The following FBRSL1 variants were observed in gnomAD, a reference collection of about 807,000 sequenced individuals.
FBRSL1 encodes the protein fibrosin-1-like protein.
FBRSL1 carries 51 observed loss-of-function variants against 89.6 expected under a neutral mutation model. The ratio of observed to expected loss-of-function variants is 0.57; its 90% CI spans 0.45 to 0.72. The LOEUF (loss-of-function observed/expected upper bound fraction) is 0.72, where lower values mean the gene tolerates loss of function less well. FBRSL1 is among the 30% of genes least tolerant of loss of function. The probability of loss-of-function intolerance (pLI) is 0.00; values close to 1 mark genes in which losing one functional copy is unlikely to be tolerated. For synonymous variants in FBRSL1, 779 were observed against 681.1 expected, an observed-to-expected ratio of 1.14 and a Z score of -2.24; for missense variants, 1,618 against 1,451.8, an observed-to-expected ratio of 1.11 and a Z score of -1.86.
chr12:132,518,613 T>C (rs1030551027), intron 2 of FBRSL1, among the ~76,000 whole-genome samples: 1 of 147,964 alleles, frequency 6.8e-6, no homozygotes, highest in Non-Finnish European at 1.5e-5. Flanking sequence ...CATCCACCCG[T>C]CTATCCATGC....
intron 14 of FBRSL1, among the ~76,000 whole-genome samples, chr12:132,576,349 C>T (rs1157770454): frequency 1.3e-5 from 2 of 151,928 alleles, no homozygotes; most frequent in Non-Finnish European, 2.9e-5. Context: ...CCCGCCACTG[C>T]GCCCAGCTAA....
intron 4 of FBRSL1, among the ~76,000 whole-genome samples, chr12:132,544,200 C>T (rs964696095): frequency 1.5e-4 from 23 of 152,094 alleles, no homozygotes; most frequent in African/African-American, 3.6e-4. Context: ...TGACTGAGGG[C>T]GTGGGTGGAG....
chr12:132,573,035 G>A (rs549977752), intron 11 of FBRSL1, among the ~76,000 whole-genome samples: 24 of 152,280 alleles, frequency 1.6e-4, no homozygotes, highest in South Asian at 4.1e-4. Context: ...TGGGGGACCC[G>A]GGCCTTACGG....
Position 132,546,462 on chromosome 12 carries a change from C to A in FBRSL1, c.616-1541C>A, listed in dbSNP as rs1187217342. On this transcript the variant is annotated intron_variant, in intron 4 of 18. Transcript: ENST00000680143. This position sits in a 1 kb window ranked among gnomAD's most constrained non-coding sequence, Gnocchi z 4.0. Reference sequence around the variant, plus strand: ...CTACCTCTCACCCTGAAGGCCAGACCGGGGGAACCCTAGGAGAGGGCTTGG... The same window carrying A: ...CTACCTCTCACCCTGAAGGCCAGACAGGGGGAACCCTAGGAGAGGGCTTGG... 1.3e-5 allele frequency among the ~76,000 whole-genome samples: 2 copies of A among 151,980 alleles called. No individual in the cohort carries two copies. Among genetic ancestry groups the A allele is most frequent in the Non-Finnish European group, 2.9e-5 (2 of 67,966 alleles).
intron 4 of FBRSL1, among the ~76,000 whole-genome samples, chr12:132,535,843 GGT>G (rs1164415339): frequency 1.3e-5 from 2 of 150,282 alleles, no homozygotes; most frequent in South Asian, 2.1e-4. Context: ...ACGTGTCCAT[GGT>G]GTGTGAGTGC....
chr12:132,547,309 ACAGT>A (rs2037774459), intron 4 of FBRSL1, among the ~76,000 whole-genome samples: 1 of 151,516 alleles, frequency 6.6e-6, no homozygotes, highest in Non-Finnish European at 1.5e-5. Context: ...CGGAGAACGG[ACAGT>A]CAGTGTGTTC....
chr12:132,491,562 C>A (rs1365456639), intron 1 of FBRSL1, among the ~76,000 whole-genome samples: 1 of 152,256 alleles, frequency 6.6e-6, no homozygotes, highest in Admixed American at 6.5e-5. Flanking sequence ...ACCCGCCCAG[C>A]GAGGTGTGCC....
At chr12:132,518,631 C>T (rs1317730333) in intron 2 of FBRSL1, among the ~76,000 whole-genome samples, 43 of 151,644 alleles carry the variant, frequency 2.8e-4, no homozygotes, top group Admixed American at 2.8e-3. Flanking sequence ...TGCATCCACC[C>T]ATCTACCCAT....
chr12:132,543,203 C>T (rs976282359), intron 4 of FBRSL1, among the ~76,000 whole-genome samples: 1 of 152,218 alleles, frequency 6.6e-6, no homozygotes, highest in Non-Finnish European at 1.5e-5. Flanking sequence ...CTGTCCTGAG[C>T]CTGCCACGCA....
At chr12:132,495,092 G>A (rs2031777389) in intron 1 of FBRSL1, among the ~76,000 whole-genome samples, 1 of 152,228 alleles carries the variant, frequency 6.6e-6, no homozygotes, top group Non-Finnish European at 1.5e-5. Context: ...CAAGGGGAGG[G>A]TACAGGTTTT....
intron 5 of FBRSL1, chr12:132,550,864 AGGTCCCTCCT>A (rs1433102404): frequency 7.0e-5 from 11 of 156,984 alleles, no homozygotes; most frequent in African/African-American, 1.2e-4. Flanking sequence ...AGGAGGCCTC[AGGTCCCTCCT>A]GGTCTTCTCT....
In FBRSL1 at chr12:132,546,082, G is replaced by T. The variant is rs1033365589; in HGVS notation, c.616-1921G>T. 6.6e-5 allele frequency among the ~76,000 whole-genome samples: 10 copies of T among 152,238 alleles called. No individual in the cohort carries two copies. Among genetic ancestry groups the T allele is most frequent in the Non-Finnish European group, 1.5e-4 (10 of 68,048 alleles). ...CTCTTCCGGTCCCCTCAGCCCTGGC[G>T]TGTTCTGGCATGTTCCTCCCCTCCC... On this transcript the variant is annotated intron_variant, in intron 4 of 18. Coordinates refer to ENST00000680143, the MANE Select transcript of FBRSL1 (RefSeq NM_001367871.1). The surrounding 1 kb of genome is among the most constrained non-coding windows in gnomAD (Gnocchi z 4.0).
chr12:132,545,272 A>C (rs768240206), intron 4 of FBRSL1, among the ~76,000 whole-genome samples: 3 of 152,198 alleles, frequency 2.0e-5, no homozygotes, highest in Admixed American at 2.0e-4. Flanking sequence ...CCCCGAGCCC[A>C]GCCCCGGCGC....
chr12:132,525,875 C>T (rs1007554404), intron 3 of FBRSL1, 52 bp downstream of exon 3: 18 of 1,429,340 alleles, frequency 1.3e-5, no homozygotes, highest in Middle Eastern at 2.1e-4. Flanking sequence ...GCCGCCTGCC[C>T]GCTGCGCCCC....
At position 132,521,387 on chromosome 12, in the gene FBRSL1, C is replaced by T. The variant is rs1242239718; in HGVS notation, c.490-4347C>T. Among the ~76,000 whole-genome samples the T allele has an allele frequency of 2.0e-5, 3 of 152,344 alleles. No homozygotes were observed. The East Asian group carries it at 5.8e-4, about 29-fold the overall frequency. On this transcript the variant is annotated intron_variant, in intron 2 of 18. Coordinates refer to ENST00000680143, the MANE Select transcript of FBRSL1 (RefSeq NM_001367871.1). ...CCCGTCTCCTGCTGGAACTGTGGCCCAGCCCAACTAGGGGGTGTGGGGGCC... is the reference window on the plus strand; with the variant it reads ...CCCGTCTCCTGCTGGAACTGTGGCCTAGCCCAACTAGGGGGTGTGGGGGCC...
rs144100372 is a variant in FBRSL1 at position 132,568,793 on chromosome 12, C to T, written c.692-1133C>T. Among the ~76,000 whole-genome samples, 12 of 152,198 alleles carry T rather than the reference C, an allele frequency of 7.9e-5. No homozygotes were observed. The East Asian group carries it at 1.9e-3, about 25-fold the overall frequency. On this transcript the variant is annotated intron_variant, in intron 6 of 18. Coordinates refer to ENST00000680143, the MANE Select transcript of FBRSL1 (RefSeq NM_001367871.1). Reference sequence around the variant, plus strand: ...GGCTCCCTCTCTCCTGTGTCCTCCGCGCAGCCTCTCTGTGGTCGCTGGGTG... The same window carrying T: ...GGCTCCCTCTCTCCTGTGTCCTCCGTGCAGCCTCTCTGTGGTCGCTGGGTG...
intron 4 of FBRSL1, among the ~76,000 whole-genome samples, chr12:132,530,585 G>A (rs1402127557): frequency 6.6e-6 from 1 of 151,964 alleles, no homozygotes; most frequent in East Asian, 1.9e-4. Flanking sequence ...CTGCTTCTGG[G>A]TCTCCACTCA....
chr12:132,584,368 C>T lies in FBRSL1; in HGVS notation c.*590C>T, dbSNP rs759841879. The T allele has an allele frequency of 1.3e-5, 2 of 152,048 alleles. No individual in the cohort carries two copies. Among genetic ancestry groups the T allele is most frequent in the Non-Finnish European group, 2.9e-5 (2 of 68,012 alleles). The allele number at this position is 152,048 out of a possible 1,614,324, so 9.4% of individuals were successfully genotyped here. ...TTTGTTTTTTTAAAAGCAAACGAAA[C>T]GTGTAAATAGTCTGTTGATATAAAT... On this transcript the variant is annotated 3_prime_UTR_variant, in exon 19 of 19. Coordinates refer to ENST00000680143, the MANE Select transcript of FBRSL1 (RefSeq NM_001367871.1).
chr12:132,581,320 G>A lies in FBRSL1; in HGVS notation c.1835-119G>A, dbSNP rs1328204284. 14 of 1,538,958 alleles carry A rather than the reference G, an allele frequency of 9.1e-6. No homozygotes were observed. In the Admixed American group the frequency reaches 1.8e-4, roughly 20 times the overall value. Reference sequence around the variant, plus strand: ...ACACGCTTCACCCCTCAGGGCATGCGAGAGAATGGGAGGTGAAGGTTCACA... The same window carrying A: ...ACACGCTTCACCCCTCAGGGCATGCAAGAGAATGGGAGGTGAAGGTTCACA... On this transcript the variant is annotated intron_variant, in intron 15 of 18. Coordinates refer to ENST00000680143, the MANE Select transcript of FBRSL1 (RefSeq NM_001367871.1).
Sources: allele counts gnomAD v4.1 joint callset (sites outside exome capture counted in the v4.1 genomes callset), GRCh38; gene constraint gnomAD v4.1.1; non-coding constraint Gnocchi (gnomAD v3.1); transcripts MANE v1.5; gene names NCBI Gene and HGNC (gene_info 2026-07-23, HGNC 2026-07-21).